ARID4B: variants seen among roughly 807,000 people sequenced by gnomAD.
ARID4B encodes AT-rich interaction domain 4B.
Under a neutral mutation model 147.5 loss-of-function variants are expected in ARID4B, and 26 were observed. That is an observed-to-expected ratio of 0.18 (90% CI 0.13 to 0.24). ARID4B has a LOEUF of 0.24. Among genes scored for constraint, ARID4B ranks in the 10% least tolerant of loss-of-function variants. The pLI is 1.00. For synonymous variants in ARID4B, 512 were observed against 507.9 expected, an observed-to-expected ratio of 1.01 and a Z score of -0.11; for missense variants, 1,179 against 1,511.5, an observed-to-expected ratio of 0.78 and a Z score of 3.65.
chr1:235,317,746 AGC>A (rs1014394044), intron 2 of ARID4B, among the ~76,000 whole-genome samples: 5 of 152,188 alleles, frequency 3.3e-5, no homozygotes, highest in Admixed American at 6.5e-5. Context: ...AGATCCAAAG[AGC>A]CAGGAATTTC....
At chr1:235,225,192 C>T (rs16832490) in intron 11 of ARID4B, among the ~76,000 whole-genome samples, 1,561 of 152,268 alleles carry the variant, frequency 0.01, 24 homozygotes, top group African/African-American at 0.033. Flanking sequence ...TCTATTATTG[C>T]TCCTCAAGGT....
chr1:235,267,943 A>G (rs1377837130), intron 2 of ARID4B, among the ~76,000 whole-genome samples: 4 of 152,150 alleles, frequency 2.6e-5, no homozygotes, highest in Non-Finnish European at 5.9e-5. Flanking sequence ...CATGCAATAT[A>G]ACTTCAAAAT....
intron 2 of ARID4B, among the ~76,000 whole-genome samples, chr1:235,317,877 A>G (rs553123268): frequency 1.3e-4 from 20 of 152,218 alleles, no homozygotes; most frequent in Non-Finnish European, 2.8e-4. Flanking sequence ...GCCACTTGCC[A>G]CAACACAAAA....
chr1:235,181,931 G>A lies in ARID4B; in HGVS notation c.2988C>T (p.Pro996=), dbSNP rs1220324672. 1 of 1,613,968 alleles carries A rather than the reference G, an allele frequency of 6.2e-7. No homozygotes were observed. The highest frequency in any genetic ancestry group is 8.5e-7 in the Non-Finnish European group (1 of 1,180,034). ...TGACCTCTACTGTTTTTTCTTCAAT[G>A]GGTTTACTATCGACATTGACTGGAG... The part of the protein sequence containing the change: ...KPPPVNVDSK[P]IEEKTVEVND... Residue 996 remains proline, a synonymous_variant, in exon 20 of 24, where the codon CCC becomes CCT. Coordinates refer to ENST00000264183, the MANE Select transcript of ARID4B (RefSeq NM_016374.6).
chr1:235,176,479 T>G (rs1663890911), intron 21 of ARID4B, among the ~76,000 whole-genome samples: 2 of 98,716 alleles, frequency 2.0e-5, no homozygotes, highest in African/African-American at 8.4e-5. Context: ...GGAGTTAAAC[T>G]CTCAAAGCCA....
At chr1:235,204,888 T>C (rs1316271999) in intron 17 of ARID4B, among the ~76,000 whole-genome samples, 1 of 152,190 alleles carries the variant, frequency 6.6e-6, no homozygotes, top group Non-Finnish European at 1.5e-5. Context: ...TTAAAGCCCA[T>C]TTGAGTACAA....
chr1:235,194,195 T>A lies in ARID4B; in HGVS notation c.1943A>T (p.Glu648Val). The change falls in exon 19 of 24, where the codon GAA (glutamate) becomes GTA (valine). Residue 648 changes from glutamate to valine, a missense_variant. Around this residue, in one of 10 missense-constraint regions of ARID4B, gnomAD observed 321 missense variants for 342.4 expected, o/e 0.94. Transcript: ENST00000264183. ...AGAGTATTTTTCATCTTTGTCTTTT[T>A]CTTTGTCTAATTTATTCTAGGTTAA... ...RKKIKNKLDKEKDKDEKYSPK... is the reference protein window; with the variant it reads ...RKKIKNKLDKVKDKDEKYSPK... 1 of 1,608,800 alleles carries A rather than the reference T, an allele frequency of 6.2e-7. No individual in the cohort carries two copies. The highest frequency in any genetic ancestry group is 1.1e-5 in the South Asian group (1 of 90,908).
intron 6 of ARID4B, among the ~76,000 whole-genome samples, chr1:235,248,060 T>C (rs1669414505): frequency 6.6e-6 from 1 of 152,104 alleles, no homozygotes; most frequent in Admixed American, 6.6e-5. Flanking sequence ...CAGAAACTAT[T>C]TTTATTGAGA....
Position 235,182,753 on chromosome 1 carries a change from C to T in ARID4B, c.2166G>A (p.Glu722=), listed in dbSNP as rs374067898. 3 of 1,604,494 alleles carry T rather than the reference C, an allele frequency of 1.9e-6. No homozygotes were observed. The highest frequency in any genetic ancestry group is 2.2e-5 in the East Asian group (1 of 44,776). Residue 722 remains glutamate (E), a synonymous_variant, in exon 20 of 24, where the codon GAG becomes GAA. Coordinates refer to ENST00000264183, the MANE Select transcript of ARID4B (RefSeq NM_016374.6). ...SSAEDSEQED[E]RGAQDMDNNG... is the part of the protein sequence containing the mutation. ...TATTATCCATGTCTTGAGCACCTCT[C>T]TCATCTTCCTGCTCACTGTCTTCAG...
intron 16 of ARID4B, among the ~76,000 whole-genome samples, chr1:235,214,299 G>A (rs563450140): frequency 2.0e-5 from 3 of 152,186 alleles, no homozygotes; most frequent in Admixed American, 6.5e-5. Flanking sequence ...AATTTGTGCC[G>A]AACAGCAAGA....
chr1:235,176,437 C>CAAAAAAAAAAAAAAAAAAAA (rs34808765), intron 21 of ARID4B, among the ~76,000 whole-genome samples: 7 of 22,528 alleles, frequency 3.1e-4, no homozygotes, highest in African/African-American at 7.0e-4. Context: ...ACAACATCAC[C>CAAAAAAAAAAAAAAAAAAAA]AAAAAAAAAA....
chr1:235,251,589 T>C (rs1167059431), intron 6 of ARID4B, among the ~76,000 whole-genome samples: 1 of 151,892 alleles, frequency 6.6e-6, no homozygotes, highest in Non-Finnish European at 1.5e-5. Flanking sequence ...TATTAAAATA[T>C]CCCCAAAGAA....
intron 2 of ARID4B, among the ~76,000 whole-genome samples, chr1:235,290,490 C>A (rs1333877562): frequency 6.6e-6 from 1 of 151,172 alleles, no homozygotes; most frequent in Non-Finnish European, 1.5e-5. Context: ...AGGAATTAAT[C>A]CTACAGATAC....
At chr1:235,231,914 A>G (rs1013721805) in intron 9 of ARID4B, among the ~76,000 whole-genome samples, 2 of 152,144 alleles carry the variant, frequency 1.3e-5, no homozygotes, top group Admixed American at 1.3e-4. Context: ...CAAGACCAGG[A>G]TAGGTAATAT....
At chr1:235,207,300 T>C (rs1571976205) in intron 17 of ARID4B, among the ~76,000 whole-genome samples, 1 of 152,288 alleles carries the variant, frequency 6.6e-6, no homozygotes, top group Middle Eastern at 3.4e-3. Flanking sequence ...ACATAGAGAA[T>C]TAAGGACCCA....
chr1:235,198,821 C>T (rs1480842907), intron 17 of ARID4B, among the ~76,000 whole-genome samples: 2 of 152,154 alleles, frequency 1.3e-5, no homozygotes, highest in Non-Finnish European at 2.9e-5. Flanking sequence ...CTCATGGGGC[C>T]GGGCGCAGTG....
chr1:235,177,729 C>T, intron 21 of ARID4B, 71 bp downstream of exon 21: 1 of 1,028,900 alleles, frequency 9.7e-7, no homozygotes, highest in Non-Finnish European at 1.5e-6. Flanking sequence ...CCCTGAATAC[C>T]ATTTTCTTAC....
intron 17 of ARID4B, among the ~76,000 whole-genome samples, chr1:235,198,193 T>A (rs1163499176): frequency 1.3e-5 from 2 of 152,254 alleles, no homozygotes; most frequent in African/African-American, 4.8e-5. Flanking sequence ...ATGTTCTACC[T>A]TTCTTAACCA....
rs1374471267 is a variant in ARID4B, at chr1:235,182,725, C to T, written c.2194G>A (p.Gly732Ser). 1.2e-6 allele frequency: 2 copies of T among 1,613,086 alleles called. No homozygotes were observed. Among genetic ancestry groups the T allele is most frequent in the Non-Finnish European group, 1.7e-6 (2 of 1,179,780 alleles). Residue 732 changes from glycine (G) to serine (S), a missense_variant, in exon 20 of 24, where the codon GGC becomes AGC. Gly to Ser is a moderately conservative substitution (Grantham distance 56). This residue lies in a region of ARID4B where 321 missense variants were observed against 342.4 expected (regional missense o/e 0.94). Coordinates refer to ENST00000264183, the MANE Select transcript of ARID4B (RefSeq NM_016374.6). Reference sequence around the variant, plus strand: ...TGATCAATCTTAGATTCCTCTTTGCCATTATTATCCATGTCTTGAGCACCT... The same window carrying T: ...TGATCAATCTTAGATTCCTCTTTGCTATTATTATCCATGTCTTGAGCACCT... ...ERGAQDMDNN[G>S]KEESKIDHLT... is the part of the protein sequence containing the mutation.
Sources: allele counts gnomAD v4.1 joint callset (sites outside exome capture counted in the v4.1 genomes callset), GRCh38; gene constraint gnomAD v4.1.1; regional missense constraint gnomAD v4.1.1; transcripts MANE v1.5; gene names NCBI Gene and HGNC (gene_info 2026-07-23, HGNC 2026-07-21).